Variants in SLC6A13 observed in about 807,000 individuals in gnomAD.
SLC6A13 encodes solute carrier family 6 member 13.
SLC6A13 carries 69 observed loss-of-function variants against 72.9 expected under a neutral mutation model. The ratio of observed to expected loss-of-function variants is 0.95; its 90% CI spans 0.78 to 1.16. The LOEUF is 1.16. Ranked by LOEUF, SLC6A13 falls within the 50% of genes most tolerant of loss-of-function variation. SLC6A13 has a pLI of 0.00. For synonymous variants in SLC6A13, 303 were observed against 303.0 expected (o/e 1.00, Z 0.00); for missense variants, 735 against 760.5 (o/e 0.97, Z 0.39).
In SLC6A13 at chr12:261,214, A is replaced by G. The variant is rs117886028; in HGVS notation, c.-5-1157T>C. 6.4e-3 allele frequency among the ~76,000 whole-genome samples: 982 copies of G among 152,352 alleles called. 31 individuals carry two copies. Among genetic ancestry groups the G allele is most frequent in the Admixed American group, 0.045 (693 of 15,310 alleles). On this transcript the variant is annotated intron_variant, in intron 1 of 14. Transcript: ENST00000343164. ...CGTGGCCCACATTTAGTTAGCAACT[A>G]CTATAGACTAGGCACTTCACATACA...
chr12:251,881 T>G (rs1247483063), intron 2 of SLC6A13, among the ~76,000 whole-genome samples: 2 of 152,186 alleles, frequency 1.3e-5, no homozygotes, highest in Non-Finnish European at 2.9e-5. Flanking sequence ...GAAGATCATT[T>G]GAGCTCAGAA....
Position 235,136 on chromosome 12 carries a change from A to C in SLC6A13, c.785T>G (p.Ile262Ser). Residue 262 changes from isoleucine (I) to serine (S), a missense_variant, in exon 7 of 15, where the codon ATT (isoleucine) becomes AGT (serine). By Grantham distance (142) the Ile-to-Ser change is moderately radical (BLOSUM62 -2). Transcript: ENST00000343164. ...GAGGTTTGGGTACAGGTAAAACTGA[A>C]TTCCTTGGGCTGCCCCAGGCAACGT... ...GVTLPGAAQGIQFYLYPNLTR... is the reference protein window; with the variant it reads ...GVTLPGAAQGSQFYLYPNLTR... 1 of 1,614,252 alleles carries C rather than the reference A, an allele frequency of 6.2e-7. No homozygotes were observed. Among genetic ancestry groups the C allele is most frequent in the Non-Finnish European group, 8.5e-7 (1 of 1,180,036 alleles).
intron 1 of SLC6A13, among the ~76,000 whole-genome samples, chr12:260,332 T>C (rs1024158244): frequency 2.6e-5 from 4 of 152,210 alleles, no homozygotes; most frequent in Non-Finnish European, 4.4e-5. Flanking sequence ...GGGTTGAGGA[T>C]TGCAGACATG....
chr12:239,166 C>A (rs1174971206), intron 4 of SLC6A13, among the ~76,000 whole-genome samples: 1 of 149,700 alleles, frequency 6.7e-6, no homozygotes, highest in Non-Finnish European at 1.5e-5. Context: ...CCACCCTGTT[C>A]CCTGCCCCTT....
chr12:238,861 TCCCGGCTCCTA>T (rs1254606966), intron 4 of SLC6A13, among the ~76,000 whole-genome samples: 1 of 150,692 alleles, frequency 6.6e-6, no homozygotes, highest in Non-Finnish European at 1.5e-5. Flanking sequence ...CAGCATCAGC[TCCCGGCTCCTA>T]CCTGGCCTTC....
In SLC6A13 at chr12:235,140, C is replaced by G. The variant is rs1163014975; in HGVS notation, c.781G>C (p.Gly261Arg). ...RGVTLPGAAQ[G>R]IQFYLYPNLT... ...TTTGGGTACAGGTAAAACTGAATTCCTTGGGCTGCCCCAGGCAACGTCACC... is the reference window on the plus strand; with the variant it reads ...TTTGGGTACAGGTAAAACTGAATTCGTTGGGCTGCCCCAGGCAACGTCACC... Residue 261 changes from glycine (G) to arginine (R), a missense_variant, in exon 7 of 15, where the codon GGA becomes CGA. Coordinates refer to ENST00000343164, the MANE Select transcript of SLC6A13 (RefSeq NM_016615.5). 2.5e-6 allele frequency: 4 copies of G among 1,614,118 alleles called. No homozygotes were observed. In the South Asian group the frequency reaches 4.4e-5, roughly 18 times the overall value.
At chr12:256,067 C>T (rs1431952471) in intron 2 of SLC6A13, among the ~76,000 whole-genome samples, 1 of 152,198 alleles carries the variant, frequency 6.6e-6, no homozygotes, top group Non-Finnish European at 1.5e-5. Context: ...CACACCCACA[C>T]TCCTGATCCC....
At chr12:249,324 A>G (rs1942460623) in intron 2 of SLC6A13, among the ~76,000 whole-genome samples, 1 of 152,148 alleles carries the variant, frequency 6.6e-6, no homozygotes, top group Non-Finnish European at 1.5e-5. Context: ...GGAAATCAAT[A>G]AAATGGAAAA....
At chr12:252,189 C>T (rs1348299915) in intron 2 of SLC6A13, among the ~76,000 whole-genome samples, 1 of 152,118 alleles carries the variant, frequency 6.6e-6, no homozygotes, top group Non-Finnish European at 1.5e-5. Context: ...ATATAATATT[C>T]TAAGAAACGC....
chr12:259,764 G>A, intron 2 of SLC6A13, 87 bp downstream of exon 2: 2 of 1,613,548 alleles, frequency 1.2e-6, no homozygotes, highest in South Asian at 2.2e-5. Context: ...TACATCTATG[G>A]GACTCCCCAG....
intron 7 of SLC6A13, among the ~76,000 whole-genome samples, chr12:230,154 G>A (rs7132236): frequency 0.12 from 18,377 of 152,012 alleles, 1,526 homozygotes; most frequent in East Asian, 0.39. Context: ...CCCACTCCAC[G>A]AGCCCTGGTT....
chr12:248,330 G>C (rs1182999670), intron 2 of SLC6A13, among the ~76,000 whole-genome samples: 1 of 151,478 alleles, frequency 6.6e-6, no homozygotes, highest in Non-Finnish European at 1.5e-5. Context: ...GTGAACCCCG[G>C]GGGGCGGAGC....
chr12:231,301 G>A (rs747952330), intron 7 of SLC6A13, among the ~76,000 whole-genome samples: 3 of 152,368 alleles, frequency 2.0e-5, no homozygotes, highest in South Asian at 2.1e-4. Flanking sequence ...GGAGCACAGC[G>A]TTGTCTCTGC....
At position 237,956 on chromosome 12, in the gene SLC6A13, T is replaced by C. The variant is rs777433614; in HGVS notation, c.533A>G (p.Asn178Ser). 4.3e-6 allele frequency: 7 copies of C among 1,614,046 alleles called. No homozygotes were observed. In the Admixed American group the frequency reaches 1.2e-4, roughly 27 times the overall value. Residue 178 changes from asparagine to serine, a missense_variant, in exon 5 of 15, where the codon AAT becomes AGT. By Grantham distance (46) the Asn-to-Ser change is conservative. Transcript: ENST00000343164. ...GAACTCGATGACAGGAGAGGTGGCA[T>C]TCTCAGAGGTACCATTCAGGGAGCC... ...TNGSLNGTSENATSPVIEFWE... is the reference protein window; with the variant it reads ...TNGSLNGTSESATSPVIEFWE...
At chr12:247,034 A>G (rs574428825) in intron 2 of SLC6A13, among the ~76,000 whole-genome samples, 3 of 150,554 alleles carry the variant, frequency 2.0e-5, no homozygotes, top group South Asian at 4.2e-4. Flanking sequence ...AAAGAAAGAA[A>G]AGAAAGAAAG....
At chr12:221,304 G>C in intron 14 of SLC6A13, 72 bp downstream of exon 14, 1 of 1,459,926 alleles carries the variant, frequency 6.8e-7, no homozygotes, top group Non-Finnish European at 9.2e-7. Flanking sequence ...CGCCCTGGCT[G>C]GCAGCCCACC....
At chr12:237,611 G>A (rs1406100761) in intron 5 of SLC6A13, among the ~76,000 whole-genome samples, 1 of 152,078 alleles carries the variant, frequency 6.6e-6, no homozygotes, top group Non-Finnish European at 1.5e-5. Flanking sequence ...CTGGGGGGAG[G>A]GGGTGGGTCA....
rs112443990 is a variant in SLC6A13, at chr12:222,149, A to G, written c.1515+383T>C. On this transcript the variant is annotated intron_variant, in intron 13 of 14. Coordinates refer to ENST00000343164, the MANE Select transcript of SLC6A13 (RefSeq NM_016615.5). ...ATGGGACTCTTGTGAGGATTAAATG[A>G]CTTAATACGAGTTAAAGCACCTTGT... 3.1e-3 allele frequency among the ~76,000 whole-genome samples: 469 copies of G among 152,318 alleles called. 3 individuals are homozygous for G. Among genetic ancestry groups the G allele is most frequent in the African/African-American group, 0.011 (459 of 41,568 alleles).
chr12:221,177 T>C (rs915035122), intron 14 of SLC6A13, 107 bp from the exon 15 acceptor site: 6 of 1,423,704 alleles, frequency 4.2e-6, no homozygotes, highest in Non-Finnish European at 5.6e-6. Flanking sequence ...CCTGCCCTCC[T>C]GTCATCACAG....
Sources: gnomAD v4.1 joint callset for allele counts (sites outside exome capture counted in the v4.1 genomes callset) on GRCh38, gnomAD v4.1.1 for gene constraint, MANE v1.5 for transcripts, NCBI Gene and HGNC (gene_info 2026-07-23, HGNC 2026-07-21) for gene names.